Variants in HSD17B2 observed in about 807,000 individuals in gnomAD.
HSD17B2 encodes the protein hydroxysteroid 17-beta dehydrogenase 2, also known as 17-beta-hydroxysteroid dehydrogenase type 2.
In HSD17B2, 32 loss-of-function variants were observed where a neutral mutation model predicts 26.9. The observed-to-expected ratio is 1.19, with a 90% CI of 0.90 to 1.60. The LOEUF (loss-of-function observed/expected upper bound fraction) is 1.60. Ranked by LOEUF, HSD17B2 falls within the 40% of genes most tolerant of loss-of-function variation. The pLI, the probability that HSD17B2 is intolerant of heterozygous loss-of-function variation, is 0.00. For synonymous variants in HSD17B2, 246 were observed against 186.7 expected, an observed-to-expected ratio of 1.32 and a Z score of -2.59; for missense variants, 613 against 468.6, an observed-to-expected ratio of 1.31 and a Z score of -2.85.
chr16:82,090,258 AG>A, intron 3 of HSD17B2: 1 of 895,936 alleles, frequency 1.1e-6, no homozygotes, highest in Non-Finnish European at 1.3e-6. Flanking sequence ...CTAGAAGATC[AG>A]GGCCTGGTCG....
intron 3 of HSD17B2, among the ~76,000 whole-genome samples, chr16:82,081,172 A>G (rs1048856146): frequency 2.0e-5 from 3 of 152,182 alleles, no homozygotes; most frequent in African/African-American, 7.2e-5. Context: ...GGAAGGCAAG[A>G]GGTGTGCAGA....
chr16:82,094,042 G>C (rs1904768512), intron 4 of HSD17B2: 2 of 152,338 alleles, frequency 1.3e-5, no homozygotes, highest in Middle Eastern at 3.4e-3. Flanking sequence ...GGTCACTGTT[G>C]TTGCCATCTT....
intron 3 of HSD17B2, among the ~76,000 whole-genome samples, chr16:82,073,035 T>C (rs1038538012): frequency 2.0e-5 from 3 of 152,174 alleles, no homozygotes; most frequent in Non-Finnish European, 1.5e-5. Flanking sequence ...TACTCTAGCC[T>C]GGGTGAGAGA....
At chr16:82,061,254 T>C (rs1258917110) in intron 1 of HSD17B2, among the ~76,000 whole-genome samples, 1 of 143,148 alleles carries the variant, frequency 7.0e-6, no homozygotes, top group Admixed American at 6.8e-5. Context: ...TGAGACTCTG[T>C]CAAAAAAAAA....
chr16:82,069,985 C>T (rs920825556), intron 2 of HSD17B2, among the ~76,000 whole-genome samples: 3 of 152,128 alleles, frequency 2.0e-5, no homozygotes, highest in Admixed American at 1.3e-4. Context: ...CTAATGTTAG[C>T]GCAGGGCCAA....
At chr16:82,084,439 G>C (rs1351124243) in intron 3 of HSD17B2, among the ~76,000 whole-genome samples, 2 of 152,064 alleles carry the variant, frequency 1.3e-5, no homozygotes, top group Admixed American at 6.6e-5. Context: ...ATGAACCATG[G>C]GTTTTGAGTG....
At chr16:82,049,275 C>G (rs1462170325) in intron 1 of HSD17B2, among the ~76,000 whole-genome samples, 1 of 152,096 alleles carries the variant, frequency 6.6e-6, no homozygotes, top group East Asian at 1.9e-4. Flanking sequence ...GTGTTGAGGC[C>G]AGGATGCCAC....
intron 4 of HSD17B2, chr16:82,091,844 T>C (rs1904703973): frequency 1.3e-5 from 2 of 152,326 alleles, no homozygotes; most frequent in Middle Eastern, 3.4e-3. Context: ...CCTGCTTCCT[T>C]TCACAAAGGA....
At chr16:82,059,614 G>A (rs1218117829) in intron 1 of HSD17B2, among the ~76,000 whole-genome samples, 1 of 152,090 alleles carries the variant, frequency 6.6e-6, no homozygotes, top group Non-Finnish European at 1.5e-5. Flanking sequence ...TGTCTTCTGT[G>A]GGTGGGTGTT....
chr16:82,090,238 G>A (rs1904644688), intron 3 of HSD17B2: 1 of 965,584 alleles, frequency 1.0e-6, no homozygotes, highest in African/African-American at 1.9e-5. Context: ...CAGAAGGTAT[G>A]TTGGTCAGGC....
At chr16:82,095,554 G>A (rs1311017786) in intron 4 of HSD17B2, 4 of 152,304 alleles carry the variant, frequency 2.6e-5, no homozygotes, top group African/African-American at 7.2e-5. Flanking sequence ...ATGTGCCTTC[G>A]ACCAGGCTGT....
intron 3 of HSD17B2, among the ~76,000 whole-genome samples, chr16:82,075,869 C>G (rs2911422): frequency 0.58 from 85,656 of 148,816 alleles, 24,836 homozygotes; most frequent in African/African-American, 0.63. Context: ...ATCCTATGAG[C>G]CCTATATCAT....
chr16:82,064,683 G>T (rs992598173), intron 1 of HSD17B2, among the ~76,000 whole-genome samples: 2 of 152,208 alleles, frequency 1.3e-5, no homozygotes, highest in Admixed American at 6.5e-5. Flanking sequence ...TTATTAGGAG[G>T]ATGTGGAATT....
At chr16:82,097,217 TC>T (rs1904866706) in intron 4 of HSD17B2, 1 of 18,850 alleles carries the variant, frequency 5.3e-5, no homozygotes, top group Non-Finnish European at 1.1e-4. Flanking sequence ...TATGTCTATG[TC>T]TATGTCTATG....
chr16:82,095,311 G>A (rs1904808605), intron 4 of HSD17B2: 1 of 152,196 alleles, frequency 6.6e-6, no homozygotes, highest in Non-Finnish European at 1.5e-5. Flanking sequence ...TGAAAAGAAA[G>A]GAGCAATTGA....
chr16:82,090,234 G>T (rs999409708), intron 3 of HSD17B2: 9 of 972,760 alleles, frequency 9.3e-6, no homozygotes, highest in South Asian at 4.8e-5. Flanking sequence ...ACCTCAGAAG[G>T]TATGTTGGTC....
At chr16:82,082,014 A>T (rs1904394844) in intron 3 of HSD17B2, among the ~76,000 whole-genome samples, 1 of 152,162 alleles carries the variant, frequency 6.6e-6, no homozygotes, top group Non-Finnish European at 1.5e-5. Flanking sequence ...CAAATACCAC[A>T]TGTCCTCACT....
In HSD17B2 at chr16:82,035,507, A is replaced by G. The variant is rs1218120165; in HGVS notation, c.83A>G (p.Lys28Arg). The change falls in exon 1 of 5, where the codon AAG (lysine) becomes AGG (arginine). Residue 28 changes from lysine (K) to arginine (R), a missense_variant. Coordinates refer to ENST00000199936, the MANE Select transcript of HSD17B2 (RefSeq NM_002153.3). ...TGTGGGACAGTATTTTGCAAATACAAGAAGAGCTCAGGGCAGCTGTGGAGC... is the reference window on the plus strand; with the variant it reads ...TGTGGGACAGTATTTTGCAAATACAGGAAGAGCTCAGGGCAGCTGTGGAGC... ...VLCGTVFCKY[K>R]KSSGQLWSWM... 2.5e-6 allele frequency: 4 copies of G among 1,614,162 alleles called. No homozygotes were observed. Among genetic ancestry groups the G allele is most frequent in the Admixed American group, 3.3e-5 (2 of 60,034 alleles).
At chr16:82,092,749 T>C (rs1250644409) in intron 4 of HSD17B2, 2 of 152,076 alleles carry the variant, frequency 1.3e-5, no homozygotes, top group African/African-American at 4.8e-5. Flanking sequence ...GGAGAGGAGA[T>C]GGAGAAGAGA....
Sources: gnomAD v4.1 joint callset for allele counts (sites outside exome capture counted in the v4.1 genomes callset) on GRCh38, gnomAD v4.1.1 for gene constraint, MANE v1.5 for transcripts, NCBI Gene and HGNC (gene_info 2026-07-23, HGNC 2026-07-21) for gene names.